Variants in MAP2 observed in about 807,000 individuals in gnomAD.
The protein encoded by MAP2 is microtubule associated protein 2.
In MAP2, 14 loss-of-function variants were observed where a neutral mutation model predicts 137.6. That is an observed-to-expected ratio of 0.10 (90% CI 0.07 to 0.16). The LOEUF (loss-of-function observed/expected upper bound fraction) is 0.16. Ranked by LOEUF, MAP2 falls within the 10% of genes least tolerant of loss-of-function variation. The pLI, the probability that MAP2 is intolerant of heterozygous loss-of-function variation, is 1.00. For synonymous variants in MAP2, 786 were observed against 782.3 expected (o/e 1.00, Z -0.08); for missense variants, 2,088 against 2,191.5 (o/e 0.95, Z 0.94).
At chr2:209,713,416 T>C (rs1210524255) in intron 13 of MAP2, among the ~76,000 whole-genome samples, 1 of 152,208 alleles carries the variant, frequency 6.6e-6, no homozygotes, top group East Asian at 1.9e-4. Flanking sequence ...CAATGCCTAA[T>C]GGAATAGATA....
At chr2:209,512,621 T>G (rs1324467562) in intron 2 of MAP2, among the ~76,000 whole-genome samples, 1 of 148,886 alleles carries the variant, frequency 6.7e-6, no homozygotes, top group Non-Finnish European at 1.5e-5. Flanking sequence ...ATATATAAAA[T>G]GTATGATATA....
intron 1 of MAP2, among the ~76,000 whole-genome samples, chr2:209,476,832 C>A (rs1260522247): frequency 2.0e-5 from 3 of 152,042 alleles, no homozygotes; most frequent in Non-Finnish European, 2.9e-5. Flanking sequence ...ACTTCATTTT[C>A]TCATTTGAGA....
At position 209,693,938 on chromosome 2, in the gene MAP2, A is replaced by C. The variant is rs1271460323; in HGVS notation, c.1768A>C (p.Ser590Arg). Residue 590 changes from serine (S) to arginine (R), a missense_variant, in exon 8 of 16, where the codon AGT becomes CGT. By Grantham distance (110) the Ser-to-Arg change is moderately radical (BLOSUM62 -1). Coordinates refer to ENST00000682079, the MANE Select transcript of MAP2 (RefSeq NM_001375505.1). ...AGCAACAAAAAGCATTGAGCCAGGC[A>C]GTGATTACTATGAACTGAGTGACAC... ...EEATKSIEPG[S>R]DYYELSDTRE... The C allele has an allele frequency of 6.2e-7, 1 of 1,613,354 alleles. No homozygotes were observed. The highest frequency in any genetic ancestry group is 2.2e-5 in the East Asian group (1 of 44,866).
At chr2:209,560,981 A>G (rs1386087496) in intron 2 of MAP2, among the ~76,000 whole-genome samples, 1 of 152,162 alleles carries the variant, frequency 6.6e-6, no homozygotes, top group Non-Finnish European at 1.5e-5. Context: ...AATAGCAAGG[A>G]AGGAAAGCAA....
At chr2:209,436,015 T>TTATATATAATATATACGGTATATATTA (rs1559159682) in intron 1 of MAP2, among the ~76,000 whole-genome samples, 3 of 90,312 alleles carry the variant, frequency 3.3e-5, no homozygotes, top group Admixed American at 1.1e-4. Flanking sequence ...ACAGTATATA[T>TTATATATAATATATACGGTATATATTA]TATATATAAA....
At chr2:209,479,713 A>T (rs1428393446) in intron 1 of MAP2, among the ~76,000 whole-genome samples, 1 of 152,180 alleles carries the variant, frequency 6.6e-6, no homozygotes, top group Non-Finnish European at 1.5e-5. Flanking sequence ...ACAATTTTGA[A>T]CTACATAAAA....
chr2:209,501,365 T>A (rs17237719), intron 1 of MAP2, among the ~76,000 whole-genome samples: 1 of 152,134 alleles, frequency 6.6e-6, no homozygotes, highest in South Asian at 2.1e-4. Context: ...TCAGGCCTAT[T>A]TGAGTTTGAC....
At chr2:209,563,486 C>T (rs559082034) in intron 2 of MAP2, among the ~76,000 whole-genome samples, 5 of 152,308 alleles carry the variant, frequency 3.3e-5, no homozygotes, top group South Asian at 4.1e-4. Flanking sequence ...GAACAACCCT[C>T]CTTCAGAGGC....
intron 2 of MAP2, among the ~76,000 whole-genome samples, chr2:209,550,200 A>T (rs1559308427): frequency 6.6e-6 from 1 of 152,176 alleles, no homozygotes; most frequent in South Asian, 2.1e-4. Context: ...AAAATGTCAT[A>T]TTTAAAAACA....
intron 5 of MAP2, among the ~76,000 whole-genome samples, chr2:209,677,466 A>T (rs1010263796): frequency 2.6e-5 from 4 of 151,858 alleles, no homozygotes; most frequent in Admixed American, 2.6e-4. Context: ...ATTGTGGCTC[A>T]TCACTTGTTG....
intron 7 of MAP2, chr2:209,690,478 T>C: frequency 3.0e-6 from 2 of 664,536 alleles, no homozygotes; most frequent in Non-Finnish European, 4.3e-6. Context: ...AATGGTAAAA[T>C]AAAAAAACAG....
At chr2:209,558,443 C>T (rs1251493874) in intron 2 of MAP2, among the ~76,000 whole-genome samples, 1 of 152,130 alleles carries the variant, frequency 6.6e-6, no homozygotes, top group East Asian at 1.9e-4. Context: ...CCTGCCTCAG[C>T]CTCCCAGCGT....
intron 14 of MAP2, 74 bp downstream of exon 14, chr2:209,725,864 G>A: frequency 1.2e-6 from 1 of 865,318 alleles, no homozygotes; most frequent in Non-Finnish European, 1.7e-6. Flanking sequence ...ATTTTTTGTT[G>A]TTGCAAAATA....
intron 2 of MAP2, among the ~76,000 whole-genome samples, chr2:209,517,587 C>T (rs572058387): frequency 6.6e-6 from 1 of 151,908 alleles, no homozygotes; most frequent in African/African-American, 2.4e-5. Flanking sequence ...CGTTATCTAT[C>T]TCGTAAAGCC....
chr2:209,716,332 G>A (rs1023231909), intron 13 of MAP2, among the ~76,000 whole-genome samples: 3 of 152,186 alleles, frequency 2.0e-5, no homozygotes, highest in South Asian at 2.1e-4. Flanking sequence ...TATTCATGGA[G>A]AGATGCATTC....
At chr2:209,671,755 GT>G (rs1254323618) in intron 5 of MAP2, among the ~76,000 whole-genome samples, 1 of 151,814 alleles carries the variant, frequency 6.6e-6, no homozygotes, top group Non-Finnish European at 1.5e-5. Context: ...ACAAAAATAT[GT>G]TCTCAAGCAT....
Position 209,730,304 on chromosome 2 carries a change from C to T in MAP2, c.5391C>T (p.Val1797=). 6.2e-7 allele frequency: 1 copy of T among 1,614,100 alleles called. No individual in the cohort carries two copies. The highest frequency in any genetic ancestry group is 8.5e-7 in the Non-Finnish European group (1 of 1,179,986). ...SVASPRRLSN[V]SSSGSINLLE... ...CATCACCCCGACGACTCAGCAATGT[C>T]TCCTCGTCTGGAAGCATCAACCTGC... The change falls in exon 16 of 16, where the codon GTC becomes GTT. Residue 1797 remains valine (V), a synonymous_variant. Coordinates refer to ENST00000682079, the MANE Select transcript of MAP2 (RefSeq NM_001375505.1).
chr2:209,657,038 CTCTT>C (rs2041274592), intron 5 of MAP2, among the ~76,000 whole-genome samples: 1 of 152,104 alleles, frequency 6.6e-6, no homozygotes, highest in Non-Finnish European at 1.5e-5. Flanking sequence ...ATTTGATTTT[CTCTT>C]TCTGAGTTAT....
chr2:209,640,880 C>CT (rs71043944), intron 4 of MAP2, among the ~76,000 whole-genome samples: 116,448 of 137,324 alleles, frequency 0.85, 50,327 homozygotes, highest in South Asian at 0.94. Context: ...ATTATCTATT[C>CT]TTTTTTTTTT....
Sources: allele counts gnomAD v4.1 joint callset (sites outside exome capture counted in the v4.1 genomes callset), GRCh38; gene constraint gnomAD v4.1.1; transcripts MANE v1.5; gene names NCBI Gene and HGNC (gene_info 2026-07-23, HGNC 2026-07-21).